THAP6: variants seen among roughly 807,000 people sequenced by gnomAD.
The protein encoded by THAP6 is THAP domain containing 6.
In THAP6, 13 loss-of-function variants were observed where a neutral mutation model predicts 20.0. The ratio of observed to expected loss-of-function variants is 0.65; its 90% CI spans 0.42 to 1.03. The LOEUF (loss-of-function observed/expected upper bound fraction) is 1.03, where lower values mean the gene tolerates loss of function less well. THAP6 is among the 50% of genes least tolerant of loss of function. The pLI, the probability that THAP6 is intolerant of heterozygous loss-of-function variation, is 0.00. For synonymous variants in THAP6, 93 were observed against 92.2 expected, an observed-to-expected ratio of 1.01 and a Z score of -0.05; for missense variants, 262 against 261.6, an observed-to-expected ratio of 1.00 and a Z score of -0.01.
intron 3 of THAP6, among the ~76,000 whole-genome samples, chr4:75,545,501 A>G (rs1407933517): frequency 6.6e-6 from 1 of 152,168 alleles, no homozygotes; most frequent in Non-Finnish European, 1.5e-5. Context: ...GAAGTCATCT[A>G]GGCCACCTTC....
intron 2 of THAP6, among the ~76,000 whole-genome samples, chr4:75,539,142 A>G (rs1010496393): frequency 1.3e-5 from 2 of 152,252 alleles, no homozygotes; most frequent in Non-Finnish European, 2.9e-5. Flanking sequence ...GAGCGCAGCC[A>G]TATATCTCAA....
chr4:75,538,849 A>G (rs995284815), intron 2 of THAP6, among the ~76,000 whole-genome samples: 5 of 152,234 alleles, frequency 3.3e-5, no homozygotes, highest in Non-Finnish European at 7.3e-5. Context: ...AAACGAATGA[A>G]GAAAATGTTA....
Position 75,516,866 on chromosome 4 carries a change from G to T in THAP6, c.175G>T (p.Asp59Tyr), listed in dbSNP as rs746043221. The T allele has an allele frequency of 4.3e-6, 7 of 1,613,976 alleles. No individual in the cohort carries two copies. In the East Asian group the frequency reaches 1.6e-4, roughly 36 times the overall value. Residue 59 changes from aspartate (D) to tyrosine (Y), a missense_variant, in exon 3 of 5, where the codon GAT becomes TAT. Physicochemically the swap from Asp to Tyr is radical, Grantham distance 160. Coordinates refer to ENST00000311638, the MANE Select transcript of THAP6 (RefSeq NM_144721.6). ...AAGIWEPKKG[D>Y]VLCSRHFKKT... The stretch of plus-strand genomic sequence containing the variant: ...CGGCATTTGGGAGCCTAAAAAAGGA[G>T]ATGTGTTGTGTTCGAGGCACTTTAA...
At chr4:75,514,188 A>C (rs1725288846), upstream of THAP6, 1 of 1,606,724 alleles carries the variant, frequency 6.2e-7, no homozygotes, top group Non-Finnish European at 8.5e-7. Context: ...AGTCCATAGA[A>C]GGCGTCACCT....
At chr4:75,542,493 A>G (rs1448206958) in intron 3 of THAP6, 9 of 701,780 alleles carry the variant, frequency 1.3e-5, no homozygotes, top group Non-Finnish European at 2.1e-5. Flanking sequence ...TAAGGTGCCA[A>G]TCTTTATTCA....
Position 75,529,485 on chromosome 4 carries a change from C to T in THAP6, c.*2271C>T, listed in dbSNP as rs1211337292. The T allele has an allele frequency of 3.0e-6, 3 of 985,264 alleles. No homozygotes were observed. Among genetic ancestry groups the T allele is most frequent in the Non-Finnish European group, 3.6e-6 (3 of 829,928 alleles). 61.0% of individuals were successfully genotyped at this position (985,264 alleles called of 1,614,324 possible). ...TGGTATCATTAAGGACCCAGAGCTG[C>T]CCATTTTCTCTTTGTTCTAATAGGG... On this transcript the variant is annotated 3_prime_UTR_variant, in exon 5 of 5. Coordinates refer to ENST00000311638, the MANE Select transcript of THAP6 (RefSeq NM_144721.6).
In THAP6 at chr4:75,529,989, T is replaced by C. The variant is rs922157208; in HGVS notation, c.*2775T>C. On this transcript the variant is annotated 3_prime_UTR_variant, in exon 5 of 5. Transcript: ENST00000311638. ...AATAATTGAGAGAGAGAAAATCTAT[T>C]ATAATTTATTTGAAAAATAAAACAT... 3 of 910,974 alleles carry C rather than the reference T, an allele frequency of 3.3e-6. No individual in the cohort carries two copies. Among genetic ancestry groups the C allele is most frequent in the Non-Finnish European group, 3.9e-6 (3 of 762,146 alleles). The allele number at this position is 910,974 out of a possible 1,614,324, so 56.4% of individuals were successfully genotyped here. A position where few individuals can be genotyped will look rare whatever the true frequency, so the allele number is the denominator to read the frequency against.
At chr4:75,541,941 A>G (rs1263701741) in intron 2 of THAP6, among the ~76,000 whole-genome samples, 1 of 150,412 alleles carries the variant, frequency 6.6e-6, no homozygotes, top group Admixed American at 6.7e-5. Flanking sequence ...TGGGCAACAG[A>G]GCAAGACTGT....
chr4:75,539,994 C>G, intron 2 of THAP6: 1 of 1,528,608 alleles, frequency 6.5e-7, no homozygotes, highest in Non-Finnish European at 8.8e-7. Flanking sequence ...TCTTCCCTCT[C>G]TTGTGGCAGC....
At chr4:75,531,780 C>CTTT (rs35001883), downstream of THAP6, among the ~76,000 whole-genome samples, 7 of 144,334 alleles carry the variant, frequency 4.8e-5, no homozygotes, top group African/African-American at 2.6e-5. Flanking sequence ...AGAAACTCCC[C>CTTT]TTTTTTTTTT....
In THAP6 at chr4:75,527,448, T is replaced by G; in HGVS notation, c.*234T>G. On this transcript the variant is annotated 3_prime_UTR_variant, in exon 5 of 5. Coordinates refer to ENST00000311638, the MANE Select transcript of THAP6 (RefSeq NM_144721.6). ...TTTATAGACCTACACTAGTGCCAGG[T>G]CACTATTGTAAGATGTTAAAATCTC... 1 of 1,310,772 alleles carries G rather than the reference T, an allele frequency of 7.6e-7. No individual in the cohort carries two copies. Among genetic ancestry groups the G allele is most frequent in the Non-Finnish European group, 9.7e-7 (1 of 1,029,630 alleles). The allele number at this position is 1,310,772 out of a possible 1,614,324, so 81.2% of individuals were successfully genotyped here.
At chr4:75,517,015 AC>A in intron 3 of THAP6, 36 bp downstream of exon 3, 24 of 1,138,360 alleles carry the variant, frequency 2.1e-5, no homozygotes, top group Non-Finnish European at 2.6e-5. Flanking sequence ...ATCATTGCTC[AC>A]TTTTTTTTTT....
At chr4:75,544,144 T>C (rs1293806882) in intron 3 of THAP6, among the ~76,000 whole-genome samples, 2 of 152,210 alleles carry the variant, frequency 1.3e-5, no homozygotes, top group Non-Finnish European at 2.9e-5. Context: ...TATACTCTAA[T>C]GCATCCATCA....
intron 2 of THAP6, among the ~76,000 whole-genome samples, chr4:75,540,549 G>C (rs568785142): frequency 6.6e-6 from 1 of 152,186 alleles, no homozygotes; most frequent in African/African-American, 2.4e-5. Context: ...GGTACAGCTT[G>C]TGCAGTTGAA....
At chr4:75,538,228 G>T (rs1304413988) in intron 2 of THAP6, among the ~76,000 whole-genome samples, 1 of 152,190 alleles carries the variant, frequency 6.6e-6, no homozygotes, top group Non-Finnish European at 1.5e-5. Context: ...TCAAAAAAGT[G>T]TCATATTCCT....
chr4:75,531,654 A>G (rs1235833313), downstream of THAP6, among the ~76,000 whole-genome samples: 1 of 152,206 alleles, frequency 6.6e-6, no homozygotes, highest in Non-Finnish European at 1.5e-5. Flanking sequence ...AAAAGAAAGA[A>G]GTTTAATGGA....
chr4:75,538,079 T>C (rs6852097), intron 2 of THAP6, among the ~76,000 whole-genome samples: 2,251 of 152,220 alleles, frequency 0.015, 64 homozygotes, highest in African/African-American at 0.051. Flanking sequence ...AACTGCAAAG[T>C]TAGTCAAATA....
At chr4:75,514,186 G>A, upstream of THAP6, 1 of 1,606,338 alleles carries the variant, frequency 6.2e-7, no homozygotes, top group African/African-American at 1.3e-5. Flanking sequence ...AGAGTCCATA[G>A]AAGGCGTCAC....
intron 1 of THAP6, 100 bp from the exon 2 acceptor site, chr4:75,515,333 T>C: frequency 8.9e-7 from 1 of 1,122,004 alleles, no homozygotes; most frequent in South Asian, 1.3e-5. Flanking sequence ...TGTCTTTAGC[T>C]TTCTATCCTG....
Sources: gnomAD v4.1 joint callset for allele counts (sites outside exome capture counted in the v4.1 genomes callset) on GRCh38, gnomAD v4.1.1 for gene constraint, MANE v1.5 for transcripts, NCBI Gene and HGNC (gene_info 2026-07-23, HGNC 2026-07-21) for gene names.